SUMF1: variants seen among roughly 807,000 people sequenced by gnomAD.
SUMF1 encodes the protein formylglycine-generating enzyme.
Under a neutral mutation model 47.6 loss-of-function variants are expected in SUMF1, and 48 were observed. The ratio of observed to expected loss-of-function variants is 1.01; its 90% CI spans 0.80 to 1.28. SUMF1 has a LOEUF of 1.28. Among genes scored for constraint, SUMF1 ranks in the 50% most tolerant of loss-of-function variants. The probability of loss-of-function intolerance (pLI) is 0.00; values close to 1 mark genes in which losing one functional copy is unlikely to be tolerated. For synonymous variants in SUMF1, 230 were observed against 192.1 expected (o/e 1.20, Z -1.63); for missense variants, 571 against 485.4 (o/e 1.18, Z -1.66).
chr3:4,357,042 G>C (rs973777060), downstream of SUMF1, among the ~76,000 whole-genome samples: 4 of 152,108 alleles, frequency 2.6e-5, no homozygotes, highest in African/African-American at 9.7e-5. Context: ...CCACCTTAAA[G>C]TCGACTGATG....
rs968755110 is a variant in SUMF1, at chr3:4,103,559, G to A, written c.1015-34814C>T. ...TCCTTGATATTCTATCTCCCTTCTC[G>A]TATTTGTCATTAGTGATTAGTGGTT... is the stretch of plus-strand genomic sequence containing the variant. On this transcript the variant is annotated intron_variant and NMD_transcript_variant, in intron 8 of 12. Coordinates refer to the SUMF1 transcript ENST00000448413. Among the ~76,000 whole-genome samples the A allele has an allele frequency of 8.5e-5, 13 of 152,156 alleles. 1 individual carries two copies. The highest frequency in any genetic ancestry group is 3.9e-4 in the East Asian group (2 of 5,178).
chr3:4,137,094 C>T (rs919239722), intron 8 of SUMF1, among the ~76,000 whole-genome samples: 7 of 151,958 alleles, frequency 4.6e-5, no homozygotes, highest in Non-Finnish European at 1.0e-4. Context: ...ACTAGAAAAA[C>T]CATTTGACCC....
At chr3:4,119,203 T>C (rs185551831) in intron 8 of SUMF1, among the ~76,000 whole-genome samples, 17 of 152,264 alleles carry the variant, frequency 1.1e-4, no homozygotes, top group Non-Finnish European at 1.9e-4. Context: ...TCCGCCTACA[T>C]TGTCACTACC....
chr3:4,238,088 T>C (rs1195956874), intron 8 of SUMF1, among the ~76,000 whole-genome samples: 3 of 152,278 alleles, frequency 2.0e-5, no homozygotes, highest in African/African-American at 2.4e-5. Context: ...GCTTCATCCA[T>C]GTCCCTGCAA....
At chr3:4,406,304 TA>T (rs1440621529) in intron 7 of SUMF1, among the ~76,000 whole-genome samples, 1 of 152,190 alleles carries the variant, frequency 6.6e-6, no homozygotes, top group African/African-American at 2.4e-5. Context: ...AGTAGTCCTT[TA>T]ATATTAAGTG....
chr3:4,178,492 C>T (rs547278150), intron 8 of SUMF1, among the ~76,000 whole-genome samples: 5 of 152,188 alleles, frequency 3.3e-5, no homozygotes, highest in African/African-American at 1.2e-4. Context: ...ATTCAACAGC[C>T]CTTCATGCTA....
At chr3:4,253,807 G>T (rs995704936) in intron 8 of SUMF1, among the ~76,000 whole-genome samples, 1 of 147,458 alleles carries the variant, frequency 6.8e-6, no homozygotes, top group African/African-American at 2.6e-5. Flanking sequence ...CCTCTGGGGG[G>T]CAGGGCACAG....
chr3:4,076,502 A>T (rs1692437833), intron 8 of SUMF1, among the ~76,000 whole-genome samples: 1 of 152,156 alleles, frequency 6.6e-6, no homozygotes, highest in African/African-American at 2.4e-5. Context: ...GTTGGATCTA[A>T]TTAAGTTAAA....
rs140247112 is a variant in SUMF1, at chr3:4,045,461, C to T, written c.1191+23108G>A. ...TTCTCTTGTTATACCTTGACTGATA[C>T]ATGAGGATAATAATGCCTATTCTGC... On this transcript the variant is annotated intron_variant and NMD_transcript_variant, in intron 9 of 12. Transcript: ENST00000448413. 3.0e-4 allele frequency among the ~76,000 whole-genome samples: 46 copies of T among 151,802 alleles called. 1 individual carries two copies. Among genetic ancestry groups the T allele is most frequent in the African/African-American group, 1.1e-3 (46 of 41,404 alleles).
At chr3:4,410,745 C>A in intron 7 of SUMF1, 120 bp downstream of exon 7, 1 of 901,958 alleles carries the variant, frequency 1.1e-6, no homozygotes, top group South Asian at 1.3e-5. Context: ...TTAGGGAAAT[C>A]CCAAGATTAA....
intron 8 of SUMF1, among the ~76,000 whole-genome samples, chr3:4,371,957 T>C (rs750558972): frequency 6.6e-6 from 1 of 152,238 alleles, no homozygotes; most frequent in Non-Finnish European, 1.5e-5. Context: ...CATCTCCTTA[T>C]TGAAGCTATA....
chr3:4,430,462 T>C (rs1358289274), intron 3 of SUMF1, among the ~76,000 whole-genome samples: 1 of 152,050 alleles, frequency 6.6e-6, no homozygotes, highest in Non-Finnish European at 1.5e-5. Flanking sequence ...ATCAGTAAAA[T>C]TAGTATACTA....
intron 7 of SUMF1, among the ~76,000 whole-genome samples, chr3:4,403,524 C>T (rs1034741853): frequency 5.3e-5 from 8 of 152,078 alleles, no homozygotes; most frequent in Non-Finnish European, 1.2e-4. Context: ...AATGGGAATG[C>T]TTATCTAGAA....
At chr3:4,325,109 C>T (rs1424365589) in intron 8 of SUMF1, among the ~76,000 whole-genome samples, 1 of 152,140 alleles carries the variant, frequency 6.6e-6, no homozygotes, top group Non-Finnish European at 1.5e-5. Context: ...GACCCAGCCC[C>T]ATAATTCAAT....
intron 9 of SUMF1, among the ~76,000 whole-genome samples, chr3:4,036,465 G>A (rs1305210155): frequency 6.6e-6 from 1 of 151,920 alleles, no homozygotes; most frequent in Non-Finnish European, 1.5e-5. Context: ...GAGGGCAGAG[G>A]CCAAAAAGAA....
chr3:4,098,061 A>G (rs763545629), intron 8 of SUMF1, among the ~76,000 whole-genome samples: 5 of 152,148 alleles, frequency 3.3e-5, no homozygotes, highest in Non-Finnish European at 7.3e-5. Flanking sequence ...GCCCAGAAGA[A>G]TAACGTATCT....
intron 8 of SUMF1, among the ~76,000 whole-genome samples, chr3:4,187,514 C>T (rs1460962110): frequency 6.6e-6 from 1 of 152,062 alleles, no homozygotes; most frequent in African/African-American, 2.4e-5. Flanking sequence ...ATTCCCAGTG[C>T]ATAGCACAAT....
Position 4,134,016 on chromosome 3 carries a change from A to T in SUMF1, c.1015-65271T>A, listed in dbSNP as rs554860217. Among the ~76,000 whole-genome samples the T allele has an allele frequency of 2.0e-5, 3 of 152,192 alleles. No individual in the cohort carries two copies. In the East Asian group the frequency reaches 5.8e-4, roughly 29 times the overall value. On this transcript the variant is annotated intron_variant and NMD_transcript_variant, in intron 8 of 12. Coordinates refer to the SUMF1 transcript ENST00000448413. Reference sequence around the variant, plus strand: ...ACTAGAAGGGGCACACACAATAATAATGGGAGACTTTAACAACCCACTGTC... The same window carrying T: ...ACTAGAAGGGGCACACACAATAATATTGGGAGACTTTAACAACCCACTGTC...
intron 8 of SUMF1, among the ~76,000 whole-genome samples, chr3:4,347,341 A>C (rs1431743468): frequency 6.6e-6 from 1 of 152,236 alleles, no homozygotes; most frequent in East Asian, 1.9e-4. Context: ...CACCACAATC[A>C]AGTGGGCTTC....
Sources: gnomAD v4.1 joint callset for allele counts (sites outside exome capture counted in the v4.1 genomes callset) on GRCh38, gnomAD v4.1.1 for gene constraint, MANE v1.5 for transcripts, NCBI Gene and HGNC (gene_info 2026-07-23, HGNC 2026-07-21) for gene names.